DMD: variants seen among roughly 807,000 people sequenced by gnomAD.
DMD encodes mutant dystrophin.
DMD carries 63 observed loss-of-function variants against 330.1 expected under a neutral mutation model. The observed-to-expected ratio is 0.19, with a 90% CI of 0.16 to 0.24. DMD has a LOEUF of 0.24. DMD is among the 10% of genes least tolerant of loss of function. The pLI, the probability that DMD is intolerant of heterozygous loss-of-function variation, is 1.00. For synonymous variants in DMD, 1,223 were observed against 959.8 expected (o/e 1.27, Z -5.07); for missense variants, 3,344 against 2,684.1 (o/e 1.25, Z -5.43).
At chrX:31,618,142 GACAAA>G (rs2078317811) in intron 55 of DMD, among the ~76,000 whole-genome samples, 1 of 108,123 alleles carries the variant, frequency 9.2e-6, no homozygotes, top group South Asian at 4.0e-4. Context: ...TTATCTGGGT[GACAAA>G]ATAATCTGTT....
intron 2 of DMD, among the ~76,000 whole-genome samples, chrX:32,906,352 C>G (rs766473300): frequency 4.5e-4 from 50 of 111,926 alleles, no homozygotes; most frequent in Middle Eastern, 4.6e-3. Flanking sequence ...TGAGGCCGCC[C>G]CAGAAGCAGA....
intron 44 of DMD, among the ~76,000 whole-genome samples, chrX:32,123,858 T>C (rs747700966): frequency 1.8e-5 from 2 of 112,471 alleles, no homozygotes; most frequent in Admixed American, 1.9e-4. Flanking sequence ...AATTTTATGG[T>C]GTAATCCTAA....
chrX:32,558,408 T>A (rs1281300935), intron 16 of DMD, among the ~76,000 whole-genome samples: 1 of 112,130 alleles, frequency 8.9e-6, no homozygotes, highest in Non-Finnish European at 1.9e-5. Context: ...GACTTGTATT[T>A]GTCTTTATGT....
rs186212628 is a variant in DMD, at chrX:32,358,059, C to G, written c.5325+4729G>C. Among the ~76,000 whole-genome samples, 9 of 109,988 alleles carry G rather than the reference C, an allele frequency of 8.2e-5. No homozygotes were observed. In the East Asian group the frequency reaches 1.7e-3, roughly 21 times the overall value. Reference sequence around the variant, plus strand: ...CATCGTATTTTACCTAGCAATAGATCCCCCTCACTACCAAACACTGTTATC... The same window carrying G: ...CATCGTATTTTACCTAGCAATAGATGCCCCTCACTACCAAACACTGTTATC... On this transcript the variant is annotated intron_variant, in intron 37 of 78. Coordinates refer to ENST00000357033, the MANE Select transcript of DMD (RefSeq NM_004006.3).
chrX:31,299,289 C>G (rs1245936687), intron 62 of DMD, among the ~76,000 whole-genome samples: 7 of 110,855 alleles, frequency 6.3e-5, no homozygotes, highest in Admixed American at 1.9e-4. Flanking sequence ...TTAAAGAAAG[C>G]TTTAGAGTAG....
intron 62 of DMD, among the ~76,000 whole-genome samples, chrX:31,315,471 C>T (rs2055925452): frequency 8.9e-6 from 1 of 112,305 alleles, no homozygotes; most frequent in Non-Finnish European, 1.9e-5. Flanking sequence ...TTTGATGTGA[C>T]TACTGGTTTT....
chrX:32,033,183 C>T (rs1298604147), intron 44 of DMD, among the ~76,000 whole-genome samples: 3 of 111,142 alleles, frequency 2.7e-5, no homozygotes, highest in African/African-American at 9.8e-5. Context: ...AACAGTCAAA[C>T]TCATAAAATC....
At chrX:32,690,535 A>T (rs908811444) in intron 9 of DMD, among the ~76,000 whole-genome samples, 5 of 111,791 alleles carry the variant, frequency 4.5e-5, no homozygotes, top group Non-Finnish European at 9.4e-5. Context: ...CAAATGGCTA[A>T]ATCAACCTTG....
intron 1 of DMD, among the ~76,000 whole-genome samples, chrX:33,236,168 G>A (rs748936148): frequency 5.5e-5 from 6 of 108,174 alleles, no homozygotes; most frequent in East Asian, 2.9e-4. Flanking sequence ...CGCCCGCCTC[G>A]GCCTCCCAAA....
chrX:31,212,322 A>C (rs748307945), intron 64 of DMD, among the ~76,000 whole-genome samples: 4 of 109,924 alleles, frequency 3.6e-5, no homozygotes, highest in African/African-American at 1.3e-4. Context: ...GAAGCCATTG[A>C]AGAACAGGGA....
intron 16 of DMD, among the ~76,000 whole-genome samples, chrX:32,549,604 T>C (rs1237782465): frequency 8.9e-6 from 1 of 112,183 alleles, no homozygotes; most frequent in Non-Finnish European, 1.9e-5. Context: ...ATTTGAAGAA[T>C]TTTTCTATAC....
intron 50 of DMD, among the ~76,000 whole-genome samples, chrX:31,814,212 T>C (rs891078381): frequency 9.1e-6 from 1 of 110,136 alleles, no homozygotes; most frequent in African/African-American, 3.3e-5. Flanking sequence ...CCGGGCGCGG[T>C]GGCTCACGCC....
chrX:33,286,082 G>C (rs2053427592), intron 1 of DMD, among the ~76,000 whole-genome samples: 1 of 111,645 alleles, frequency 9.0e-6, no homozygotes, highest in Admixed American at 9.5e-5. Context: ...GATGTAGATA[G>C]GATTTTTTTC....
At chrX:31,782,188 C>T (rs770622290) in intron 50 of DMD, among the ~76,000 whole-genome samples, 2 of 111,332 alleles carry the variant, frequency 1.8e-5, no homozygotes, top group African/African-American at 3.3e-5. Context: ...CACAGATTCT[C>T]CTCTTGCATC....
chrX:31,232,699 C>T (rs927416232), intron 63 of DMD, among the ~76,000 whole-genome samples: 1 of 111,974 alleles, frequency 8.9e-6, no homozygotes, highest in African/African-American at 3.3e-5. Context: ...CCTAGCATCT[C>T]AGCCACCTGC....
intron 2 of DMD, among the ~76,000 whole-genome samples, chrX:33,005,296 G>A (rs200710307): frequency 1.1e-3 from 53 of 46,947 alleles, no homozygotes; most frequent in Admixed American, 5.8e-3. Flanking sequence ...ACACACACAC[G>A]CATATATATA....
chrX:32,585,668 C>G (rs1253817688), intron 13 of DMD, among the ~76,000 whole-genome samples: 2 of 82,140 alleles, frequency 2.4e-5, no homozygotes, highest in African/African-American at 9.2e-5. Flanking sequence ...CCACTGCACT[C>G]CAGCCTGGGT....
intron 1 of DMD, among the ~76,000 whole-genome samples, chrX:33,179,681 G>A (rs1283926570): frequency 1.7e-4 from 17 of 102,665 alleles, no homozygotes; most frequent in East Asian, 9.1e-4. Flanking sequence ...GTGACAGAGC[G>A]AGACTCCGTC....
At chrX:32,830,618 G>C (rs1464163399) in intron 4 of DMD, among the ~76,000 whole-genome samples, 1 of 111,519 alleles carries the variant, frequency 9.0e-6, no homozygotes, top group East Asian at 2.8e-4. Flanking sequence ...TTGATATTCT[G>C]TGTGAAAATG....
Sources: allele counts gnomAD v4.1 joint callset (sites outside exome capture counted in the v4.1 genomes callset), GRCh38; gene constraint gnomAD v4.1.1; transcripts MANE v1.5; gene names NCBI Gene and HGNC (gene_info 2026-07-23, HGNC 2026-07-21).